STK11: variants seen among roughly 807,000 people sequenced by gnomAD.
The protein encoded by STK11 is serine/threonine kinase 11.
Under a neutral mutation model 47.3 loss-of-function variants are expected in STK11, and 8 were observed. That is an observed-to-expected ratio of 0.17 (90% CI 0.10 to 0.31). The LOEUF (loss-of-function observed/expected upper bound fraction) is 0.31. Ranked by LOEUF, STK11 falls within the 10% of genes least tolerant of loss-of-function variation. STK11 has a pLI of 1.00. For missense variants in STK11, 475 were observed against 605.0 expected, an observed-to-expected ratio of 0.79 and a Z score of 2.25; for synonymous variants, 330 against 255.8, an observed-to-expected ratio of 1.29 and a Z score of -2.77.
intron 1 of STK11, among the ~76,000 whole-genome samples, chr19:1,209,197 T>C (rs1245763023): frequency 1.1e-5 from 1 of 89,676 alleles, no homozygotes; most frequent in Non-Finnish European, 2.8e-5. Flanking sequence ...CTCTGTGAGA[T>C]GGGTTGGTCA....
rs990852065 is a variant in STK11, at chr19:1,225,173, G to C, written c.1109-1281G>C. 6 of 985,390 alleles carry C rather than the reference G, an allele frequency of 6.1e-6. No individual in the cohort carries two copies. In the Admixed American group the frequency reaches 3.1e-4, roughly 50 times the overall value. The allele number at this position is 985,390 out of a possible 1,614,324, so 61.0% of individuals were successfully genotyped here. On this transcript the variant is annotated intron_variant, in intron 8 of 9. Coordinates refer to ENST00000326873, the MANE Select transcript of STK11 (RefSeq NM_000455.5). Reference sequence around the variant, plus strand: ...TGGCGGCTGTGCCCGCTGATGCAGAGCTGGGGCACCTTGTCCACAGGGTCT... The same window carrying C: ...TGGCGGCTGTGCCCGCTGATGCAGACCTGGGGCACCTTGTCCACAGGGTCT...
chr19:1,219,437 G>T (rs1192929296), intron 3 of STK11, 24 bp downstream of exon 3: 1 of 1,544,962 alleles, frequency 6.5e-7, no homozygotes, highest in Non-Finnish European at 8.7e-7. Flanking sequence ...GCAGGGGCCA[G>T]GGTGGGGCGG....
At chr19:1,220,239 G>A in intron 3 of STK11, 134 bp from the exon 4 acceptor site, 3 of 1,246,342 alleles carry the variant, frequency 2.4e-6, no homozygotes, top group Non-Finnish European at 3.3e-6. Flanking sequence ...CCTTTCCTCT[G>A]TCCTGTGTGC....
At chr19:1,224,005 G>A in intron 8 of STK11, 1 of 1,007,790 alleles carries the variant, frequency 9.9e-7, no homozygotes, top group Non-Finnish European at 1.2e-6. Context: ...TGGGATGTGA[G>A]GACCCAGTGC....
At chr19:1,207,709 C>T (rs933699648) in intron 1 of STK11, among the ~76,000 whole-genome samples, 1 of 152,198 alleles carries the variant, frequency 6.6e-6, no homozygotes, top group Non-Finnish European at 1.5e-5. Context: ...CTGTTTGCAC[C>T]GGCTTATCAG....
At chr19:1,218,309 G>A in intron 1 of STK11, 108 bp from the exon 2 acceptor site, 1 of 889,078 alleles carries the variant, frequency 1.1e-6, no homozygotes, top group Non-Finnish European at 1.9e-6. Context: ...TCTAGGGAAG[G>A]GAGGAGGTAC....
At chr19:1,216,734 A>G (rs1440712399) in intron 1 of STK11, among the ~76,000 whole-genome samples, 1 of 151,448 alleles carries the variant, frequency 6.6e-6, no homozygotes, top group Admixed American at 6.6e-5. Context: ...TGGGCATGGT[A>G]GCACACGTCT....
At chr19:1,211,647 C>G (rs1160712036) in intron 1 of STK11, among the ~76,000 whole-genome samples, 1 of 152,214 alleles carries the variant, frequency 6.6e-6, no homozygotes, top group Non-Finnish European at 1.5e-5. Context: ...CCACCTGTTG[C>G]AAAACACTGT....
rs2080837402 is a variant in STK11, at chr19:1,227,827, C to A, written c.*251C>A. ...ACTTCGCAGCCCCGGGCGGAGCCTT[C>A]CCGGGCGGGCGTGGGAGGAGGGAGG... On this transcript the variant is annotated 3_prime_UTR_variant, in exon 10 of 10. Coordinates refer to ENST00000326873, the MANE Select transcript of STK11 (RefSeq NM_000455.5). The A allele has an allele frequency of 4.5e-5, 48 of 1,071,374 alleles. No individual in the cohort carries two copies. Among genetic ancestry groups the A allele is most frequent in the Non-Finnish European group, 4.9e-5 (43 of 883,110 alleles). 66.4% of individuals were successfully genotyped at this position (1,071,374 alleles called of 1,614,324 possible). A position where few individuals can be genotyped will look rare whatever the true frequency, so the allele number is the denominator to read the frequency against.
intron 1 of STK11, among the ~76,000 whole-genome samples, chr19:1,215,812 C>A (rs755008173): frequency 1.6e-4 from 25 of 152,124 alleles, no homozygotes; most frequent in Non-Finnish European, 4.4e-5. Flanking sequence ...TCTCGACTCT[C>A]TGCAACCTCC....
intron 1 of STK11, among the ~76,000 whole-genome samples, chr19:1,218,144 G>GAA (rs56814888): frequency 1.4e-5 from 2 of 145,492 alleles, no homozygotes; most frequent in South Asian, 2.2e-4. Flanking sequence ...CTCTGTCTCA[G>GAA]AAAAAAAAAA....
At chr19:1,207,748 C>T (rs547577594) in intron 1 of STK11, among the ~76,000 whole-genome samples, 3 of 152,374 alleles carry the variant, frequency 2.0e-5, no homozygotes, top group East Asian at 1.9e-4. Context: ...AGCCTTTCCT[C>T]ATTTGCCAGG....
chr19:1,222,877 C>T (rs1599929139), intron 7 of STK11, 108 bp from the exon 8 acceptor site: 4 of 1,312,310 alleles, frequency 3.0e-6, no homozygotes, highest in East Asian at 2.5e-5. Context: ...GGCCTGGTCC[C>T]AGCTCCTGAG....
intron 6 of STK11, 59 bp from the exon 7 acceptor site, chr19:1,221,890 G>C (rs2080786856): frequency 6.5e-7 from 1 of 1,541,186 alleles, no homozygotes; most frequent in Non-Finnish European, 8.8e-7. Context: ...AGGCGGGGAC[G>C]GTTGGTGGGG....
chr19:1,228,024 GGTT>G lies in STK11; in HGVS notation c.*449_*451del. Reference sequence around the variant, plus strand: ...CACCTGGAAGCCGCGCGGCCGCTTTGGTTTTTTGTTTGGTTGGTTCCATTTTCT... The same window carrying G: ...CACCTGGAAGCCGCGCGGCCGCTTTGTTTTGTTTGGTTGGTTCCATTTTCT... On this transcript the variant is annotated 3_prime_UTR_variant, in exon 10 of 10. Coordinates refer to ENST00000326873, the MANE Select transcript of STK11 (RefSeq NM_000455.5). The G allele has an allele frequency of 9.4e-7, 1 of 1,063,934 alleles. No homozygotes were observed. The highest frequency in any genetic ancestry group is 1.1e-6 in the Non-Finnish European group (1 of 878,336). 65.9% of individuals were successfully genotyped at this position (1,063,934 alleles called of 1,614,324 possible).
At chr19:1,219,620 A>G (rs1360047388) in intron 3 of STK11, among the ~76,000 whole-genome samples, 1 of 151,566 alleles carries the variant, frequency 6.6e-6, no homozygotes, top group African/African-American at 2.4e-5. Flanking sequence ...ATCTCGGCTC[A>G]CTGCAAGCTC....
intron 8 of STK11, chr19:1,224,596 C>T (rs1327385998): frequency 7.1e-6 from 7 of 985,624 alleles, no homozygotes; most frequent in South Asian, 4.7e-5. Context: ...CCCCCACGGC[C>T]GCCCCTGCAG....
chr19:1,219,265 G>T, intron 2 of STK11, 59 bp from the exon 3 acceptor site: 2 of 1,542,206 alleles, frequency 1.3e-6, no homozygotes, highest in Non-Finnish European at 1.8e-6. Context: ...TCTGGCCCCC[G>T]TGCTCCCTGG....
chr19:1,224,491 G>C, intron 8 of STK11: 1 of 985,466 alleles, frequency 1.0e-6, no homozygotes, highest in Non-Finnish European at 1.2e-6. Context: ...CCTGAGACGG[G>C]CAGCCAGGCA....
Sources: allele counts gnomAD v4.1 joint callset (sites outside exome capture counted in the v4.1 genomes callset), GRCh38; gene constraint gnomAD v4.1.1; transcripts MANE v1.5; gene names NCBI Gene and HGNC (gene_info 2026-07-23, HGNC 2026-07-21).